Variants in UST observed in about 807,000 individuals in gnomAD.
UST encodes the protein chondroitin sulfate 2-O-sulfotransferase.
UST carries 21 observed loss-of-function variants against 45.6 expected under a neutral mutation model. The observed-to-expected ratio is 0.46, with a 90% CI of 0.33 to 0.66. The LOEUF (loss-of-function observed/expected upper bound fraction) is 0.66, where lower values mean the gene tolerates loss of function less well. Ranked by LOEUF, UST falls within the 30% of genes least tolerant of loss-of-function variation. The pLI, the probability that UST is intolerant of heterozygous loss-of-function variation, is 0.02. For missense variants in UST, 463 were observed against 512.4 expected (o/e 0.90, Z 0.93); for synonymous variants, 215 against 200.6 (o/e 1.07, Z -0.61).
intron 5 of UST, among the ~76,000 whole-genome samples, chr6:149,017,828 A>G (rs1467619035): frequency 6.6e-6 from 1 of 150,886 alleles, no homozygotes; most frequent in Non-Finnish European, 1.5e-5. Context: ...ACACACACAC[A>G]CACACACACA....
At chr6:148,932,064 C>T (rs1164541112) in intron 2 of UST, among the ~76,000 whole-genome samples, 1 of 152,200 alleles carries the variant, frequency 6.6e-6, no homozygotes, top group African/African-American at 2.4e-5. Context: ...ATGGACCCAA[C>T]TGCAGTTTGA....
At chr6:148,985,945 C>G (rs893729439) in intron 5 of UST, among the ~76,000 whole-genome samples, 16 of 152,130 alleles carry the variant, frequency 1.1e-4, no homozygotes, top group African/African-American at 9.7e-5. Context: ...GCAGGAAGAG[C>G]CATCAAACCC....
intron 1 of UST, among the ~76,000 whole-genome samples, chr6:148,794,882 A>C (rs1189143376): frequency 6.6e-6 from 1 of 152,154 alleles, no homozygotes; most frequent in Admixed American, 6.5e-5. Flanking sequence ...CATCCTTTAA[A>C]CACTCCTTTT....
At chr6:148,859,866 T>C (rs1342160646) in intron 1 of UST, among the ~76,000 whole-genome samples, 1 of 152,218 alleles carries the variant, frequency 6.6e-6, no homozygotes. Flanking sequence ...TCTGTTTTGG[T>C]ACCAGTACCG....
chr6:149,008,566 A>G (rs374498146), intron 5 of UST, among the ~76,000 whole-genome samples: 1 of 152,224 alleles, frequency 6.6e-6, no homozygotes, highest in Non-Finnish European at 1.5e-5. Flanking sequence ...AAGGCATACA[A>G]TGTTGGTAAC....
intron 1 of UST, among the ~76,000 whole-genome samples, chr6:148,777,200 G>A (rs1776551589): frequency 6.6e-6 from 1 of 152,224 alleles, no homozygotes; most frequent in African/African-American, 2.4e-5. Context: ...TAAGGGAACA[G>A]CGTGCCTCAT....
intron 5 of UST, among the ~76,000 whole-genome samples, chr6:148,995,807 T>C (rs114169910): frequency 2.6e-5 from 4 of 152,378 alleles, no homozygotes; most frequent in African/African-American, 9.6e-5. Context: ...TGGCTGGAGC[T>C]GAACAGCATC....
At position 148,970,075 on chromosome 6, in the gene UST, C is replaced by T. The variant is rs534093640; in HGVS notation, c.681+5512C>T. On this transcript the variant is annotated intron_variant, in intron 5 of 7. Coordinates refer to ENST00000367463, the MANE Select transcript of UST (RefSeq NM_005715.3). The stretch of plus-strand genomic sequence containing the variant: ...CCAGGAAGCCCCAGCTTCAGAGATA[C>T]GCTGCGAAATACATTTGTCCTGGGT... 5.9e-5 allele frequency among the ~76,000 whole-genome samples: 9 copies of T among 152,344 alleles called. No individual in the cohort carries two copies. In the South Asian group the frequency reaches 1.0e-3, roughly 18 times the overall value.
At chr6:148,758,889 C>G (rs1386539031) in intron 1 of UST, among the ~76,000 whole-genome samples, 1 of 152,332 alleles carries the variant, frequency 6.6e-6, no homozygotes, top group East Asian at 1.9e-4. Flanking sequence ...ACCTTGTCAT[C>G]CAGCACAGAG....
chr6:148,901,912 C>T (rs1359698602), intron 2 of UST, among the ~76,000 whole-genome samples: 1 of 152,148 alleles, frequency 6.6e-6, no homozygotes, highest in Non-Finnish European at 1.5e-5. Context: ...CGCAAGGCCC[C>T]ACTTAACTGA....
chr6:148,915,110 C>T (rs10457073), intron 2 of UST, among the ~76,000 whole-genome samples: 62,594 of 151,916 alleles, frequency 0.41, 13,726 homozygotes, highest in African/African-American at 0.56. Context: ...CTAATCACTT[C>T]CCCAAAGTCC....
intron 7 of UST, among the ~76,000 whole-genome samples, chr6:149,037,632 G>T (rs1383813732): frequency 6.6e-6 from 1 of 152,216 alleles, no homozygotes; most frequent in African/African-American, 2.4e-5. Flanking sequence ...CAAGCACCGC[G>T]ACTCAAAGTG....
intron 5 of UST, among the ~76,000 whole-genome samples, chr6:148,997,560 T>C (rs1332064983): frequency 6.6e-6 from 1 of 152,202 alleles, no homozygotes; most frequent in Admixed American, 6.5e-5. Context: ...ATTTTTATTA[T>C]ATGCAGGTAC....
chr6:148,773,397 G>T (rs572671357), intron 1 of UST, among the ~76,000 whole-genome samples: 2 of 151,782 alleles, frequency 1.3e-5, no homozygotes, highest in Admixed American at 6.6e-5. Context: ...GGAAGTAGAG[G>T]TTGCAGTGAG....
At chr6:148,978,330 A>G (rs537735745) in intron 5 of UST, among the ~76,000 whole-genome samples, 65 of 152,324 alleles carry the variant, frequency 4.3e-4, no homozygotes, top group African/African-American at 1.5e-3. Context: ...CATACATTTT[A>G]TAGTATATAG....
chr6:148,872,855 C>G (rs1778585498), intron 1 of UST, among the ~76,000 whole-genome samples: 1 of 152,164 alleles, frequency 6.6e-6, no homozygotes, highest in Non-Finnish European at 1.5e-5. Flanking sequence ...TCTTGCCTGG[C>G]TCTGACAAGG....
chr6:148,902,524 T>C (rs757232780), intron 2 of UST, among the ~76,000 whole-genome samples: 1 of 152,034 alleles, frequency 6.6e-6, no homozygotes, highest in East Asian at 1.9e-4. Context: ...GCATGAGCTA[T>C]TGCATCTCGC....
chr6:148,835,149 A>G (rs1254849555), intron 1 of UST, among the ~76,000 whole-genome samples: 1 of 152,152 alleles, frequency 6.6e-6, no homozygotes, highest in Non-Finnish European at 1.5e-5. Context: ...ATAAAAAATA[A>G]TAATATAACA....
chr6:149,018,836 G>C (rs1238961329), intron 5 of UST, among the ~76,000 whole-genome samples: 1 of 152,132 alleles, frequency 6.6e-6, no homozygotes, highest in Non-Finnish European at 1.5e-5. Flanking sequence ...AGCACAGTGG[G>C]TACCACTGTT....
Sources: gnomAD v4.1 joint callset for allele counts (sites outside exome capture counted in the v4.1 genomes callset) on GRCh38, gnomAD v4.1.1 for gene constraint, MANE v1.5 for transcripts, NCBI Gene and HGNC (gene_info 2026-07-23, HGNC 2026-07-21) for gene names.